LARP4: variants seen among roughly 807,000 people sequenced by gnomAD.
LARP4 encodes la-related protein 4.
A neutral mutation model predicts 92.9 loss-of-function variants in LARP4; 29 were observed. That is an observed-to-expected ratio of 0.31 (90% confidence interval 0.23 to 0.43). LARP4 has a LOEUF of 0.43. Ranked by LOEUF, LARP4 falls within the 20% of genes least tolerant of loss-of-function variation. The pLI is 1.00. For missense variants in LARP4, 732 were observed against 860.0 expected (o/e 0.85, Z 1.86); for synonymous variants, 279 against 284.1 (o/e 0.98, Z 0.18).
chr12:50,472,535 T>G (rs2139133590), intron 13 of LARP4, among the ~76,000 whole-genome samples: 1 of 152,220 alleles, frequency 6.6e-6, no homozygotes, highest in East Asian at 1.9e-4. Context: ...CTTTTTTTTT[T>G]TTGAGACACG....
At chr12:50,421,937 T>A (rs896188869) in intron 1 of LARP4, among the ~76,000 whole-genome samples, 2 of 152,030 alleles carry the variant, frequency 1.3e-5, no homozygotes, top group African/African-American at 4.8e-5. Context: ...AATGGGATAA[T>A]CTATAAAAGA....
chr12:50,403,253 C>T (rs1273864911), intron 1 of LARP4, among the ~76,000 whole-genome samples: 1 of 152,098 alleles, frequency 6.6e-6, no homozygotes, highest in Non-Finnish European at 1.5e-5. Context: ...AGTACCTAAG[C>T]TTGGTTGAGG....
At chr12:50,424,696 T>C (rs1395455353) in intron 1 of LARP4, among the ~76,000 whole-genome samples, 1 of 152,030 alleles carries the variant, frequency 6.6e-6, no homozygotes, top group Non-Finnish European at 1.5e-5. Flanking sequence ...AAAATAAGAA[T>C]GTTTTACCCC....
chr12:50,421,052 C>T (rs1015598349), intron 1 of LARP4, among the ~76,000 whole-genome samples: 6 of 145,654 alleles, frequency 4.1e-5, no homozygotes, highest in Non-Finnish European at 7.4e-5. Context: ...TGGGTTCAAG[C>T]GATTCTACTG....
intron 13 of LARP4, among the ~76,000 whole-genome samples, chr12:50,467,874 A>G (rs1956362833): frequency 6.6e-6 from 1 of 151,140 alleles, no homozygotes; most frequent in South Asian, 2.1e-4. Context: ...TTTTAATTAT[A>G]ACAGTACATG....
intron 5 of LARP4, among the ~76,000 whole-genome samples, chr12:50,436,847 A>G (rs1004168847): frequency 6.6e-6 from 1 of 152,248 alleles, no homozygotes; most frequent in African/African-American, 2.4e-5. Flanking sequence ...GATTACAAAC[A>G]TTTATGGAAC....
At chr12:50,467,202 G>A (rs1474458110) in intron 13 of LARP4, 82 bp downstream of exon 13, 3 of 1,065,418 alleles carry the variant, frequency 2.8e-6, no homozygotes, top group Non-Finnish European at 4.0e-6. Context: ...AATTTTACTT[G>A]CACTTAGTGT....
intron 4 of LARP4, among the ~76,000 whole-genome samples, chr12:50,432,714 G>A (rs1949836267): frequency 6.6e-6 from 1 of 151,942 alleles, no homozygotes; most frequent in Non-Finnish European, 1.5e-5. Flanking sequence ...CAAAAAATTA[G>A]CTGGGCATGG....
chr12:50,455,836 C>T lies in LARP4; in HGVS notation c.1121+1419C>T, dbSNP rs188045530. On this transcript the variant is annotated intron_variant, in intron 10 of 15. Transcript: ENST00000398473. ...CTGAGGTGGGTGGATCATCTGAGCT[C>T]AGGAGTTCAAGAGCAGCCTGGGCAA... is the stretch of plus-strand genomic sequence containing the variant. Among the ~76,000 whole-genome samples, 27 of 152,214 alleles carry T rather than the reference C, an allele frequency of 1.8e-4. No individual in the cohort carries two copies. The East Asian group carries it at 5.0e-3, about 28-fold the overall frequency.
At chr12:50,444,687 G>A (rs952032749) in intron 8 of LARP4, among the ~76,000 whole-genome samples, 2 of 152,110 alleles carry the variant, frequency 1.3e-5, no homozygotes, top group Admixed American at 6.6e-5. Flanking sequence ...AAGTGATGAC[G>A]TTGGAGGAAA....
intron 10 of LARP4, among the ~76,000 whole-genome samples, chr12:50,458,108 A>T (rs889466973): frequency 1.4e-5 from 2 of 142,198 alleles, no homozygotes; most frequent in Non-Finnish European, 3.1e-5. Flanking sequence ...AAGTTTTTGT[A>T]TTTTTTTTTT....
intron 1 of LARP4, among the ~76,000 whole-genome samples, chr12:50,407,631 G>GGC (rs1945093952): frequency 1.3e-5 from 2 of 152,062 alleles, no homozygotes; most frequent in Admixed American, 1.3e-4. Flanking sequence ...GATCACTTGA[G>GGC]GCCAGGAGTT....
At chr12:50,429,240 A>T (rs528938752) in intron 3 of LARP4, 150 bp downstream of exon 3, 3 of 603,768 alleles carry the variant, frequency 5.0e-6, no homozygotes, top group East Asian at 6.2e-5. Flanking sequence ...TGATTGTTAC[A>T]TTGTTTTCAG....
intron 8 of LARP4, among the ~76,000 whole-genome samples, chr12:50,448,227 A>G (rs974144214): frequency 5.9e-5 from 9 of 151,868 alleles, no homozygotes; most frequent in African/African-American, 2.2e-4. Flanking sequence ...AATTGTTCTT[A>G]TTTTTGTTTG....
chr12:50,407,714 G>C (rs1273857218), intron 1 of LARP4, among the ~76,000 whole-genome samples: 1 of 152,114 alleles, frequency 6.6e-6, no homozygotes, highest in Non-Finnish European at 1.5e-5. Flanking sequence ...GCATGTGCCT[G>C]TAGTCCTAGC....
chr12:50,439,217 G>T (rs1950857251), intron 6 of LARP4, among the ~76,000 whole-genome samples: 1 of 152,018 alleles, frequency 6.6e-6, no homozygotes, highest in East Asian at 1.9e-4. Context: ...GGGATTACAG[G>T]CGTGAGCCAC....
At chr12:50,423,616 T>C (rs1382281136) in intron 1 of LARP4, among the ~76,000 whole-genome samples, 1 of 151,828 alleles carries the variant, frequency 6.6e-6, no homozygotes, top group African/African-American at 2.4e-5. Flanking sequence ...GCCCGGCTAA[T>C]GTTTGTATTT....
At chr12:50,426,684 G>GGTGGGTGT (rs1555232614) in intron 1 of LARP4, among the ~76,000 whole-genome samples, 1 of 86,170 alleles carries the variant, frequency 1.2e-5, no homozygotes, top group East Asian at 4.2e-4. Flanking sequence ...TTATGTTTGG[G>GGTGGGTGT]GTGTGTGTGT....
intron 12 of LARP4, among the ~76,000 whole-genome samples, chr12:50,465,033 T>C (rs1196354767): frequency 6.6e-6 from 1 of 151,866 alleles, no homozygotes; most frequent in Non-Finnish European, 1.5e-5. Context: ...TCCACATGAC[T>C]TCTCAAGTGG....
Sources: gnomAD v4.1 joint callset for allele counts (sites outside exome capture counted in the v4.1 genomes callset) on GRCh38, gnomAD v4.1.1 for gene constraint, MANE v1.5 for transcripts, NCBI Gene and HGNC (gene_info 2026-07-23, HGNC 2026-07-21) for gene names.